KRT26: variants seen among roughly 807,000 people sequenced by gnomAD.
The protein encoded by KRT26 is keratin, type I cytoskeletal 26.
KRT26 carries 45 observed loss-of-function variants against 46.1 expected under a neutral mutation model. That is an observed-to-expected ratio of 0.98 (90% CI 0.77 to 1.25). The LOEUF (loss-of-function observed/expected upper bound fraction) is 1.25. Ranked by LOEUF, KRT26 falls within the 50% of genes most tolerant of loss-of-function variation. The pLI is 0.00. For synonymous variants in KRT26, 191 were observed against 209.9 expected (o/e 0.91, Z 0.78); for missense variants, 582 against 560.1 (o/e 1.04, Z -0.39).
At chr17:40,768,167 G>A (rs1388278723) in intron 6 of KRT26, among the ~76,000 whole-genome samples, 1 of 152,234 alleles carries the variant, frequency 6.6e-6, no homozygotes, top group Middle Eastern at 3.2e-3. Context: ...GGGCTGATGG[G>A]CCTTGGAGGG....
chr17:40,771,842 T>C (rs769465297), exon 1 of KRT26: 179 of 1,613,070 alleles, frequency 1.1e-4, no homozygotes, highest in Non-Finnish European at 1.5e-4. Context: ...CAGGCGGTCG[T>C]TGAGATTCTG....
intron 5 of KRT26, 37 bp downstream of exon 5, chr17:40,769,717 C>T: frequency 6.2e-7 from 1 of 1,605,218 alleles, no homozygotes; most frequent in Non-Finnish European, 8.5e-7. Context: ...TATACATATT[C>T]ACACATATAT....
At chr17:40,770,086 C>T (rs140162962) in exon 4 of KRT26, 36 of 1,614,024 alleles carry the variant, frequency 2.2e-5, no homozygotes, top group African/African-American at 2.1e-4. Context: ...TCCACGTTCA[C>T]GTTCCCCCCA....
intron 6 of KRT26, among the ~76,000 whole-genome samples, chr17:40,768,286 T>C (rs2038186937): frequency 6.6e-6 from 1 of 152,238 alleles, no homozygotes; most frequent in Non-Finnish European, 1.5e-5. Flanking sequence ...TCTTTACCTA[T>C]GTAGTGAGAC....
chr17:40,770,273 G>A, exon 3 of KRT26: 1 of 1,614,106 alleles, frequency 6.2e-7, no homozygotes, highest in Non-Finnish European at 8.5e-7. Context: ...CTTTTTTTGA[G>A]GTAGGTCAAT....
At chr17:40,768,984 G>T (rs909647797) in exon 6 of KRT26, 6 of 1,612,766 alleles carry the variant, frequency 3.7e-6, no homozygotes, top group Non-Finnish European at 5.1e-6. Context: ...TTCTGTTTCT[G>T]TTCGAATCTG....
rs562074645 is a variant in KRT26 at position 40,769,464 on chromosome 17, T to C, written c.969+290A>G. On this transcript the variant is annotated intron_variant, in intron 5 of 7. Coordinates refer to ENST00000335552, the Ensembl canonical transcript of KRT26. ...GAGCCACTGTGCTTGGCCGGCATGG[T>C]CATATTTTAAATATTCTCAAGGTAG... Among the ~76,000 whole-genome samples, 5 of 152,276 alleles carry C rather than the reference T, an allele frequency of 3.3e-5. No homozygotes were observed. In the South Asian group the frequency reaches 1.0e-3, roughly 32 times the overall value.
chr17:40,767,592 C>T, exon 7 of KRT26: 1 of 1,603,266 alleles, frequency 6.2e-7, no homozygotes, highest in Non-Finnish European at 8.5e-7. Flanking sequence ...ATACCTTTGG[C>T]TTGATTTCCA....
chr17:40,766,591 A>G, exon 8 of KRT26: 2 of 1,607,908 alleles, frequency 1.2e-6, no homozygotes, highest in South Asian at 1.1e-5. Flanking sequence ...AACTGAGTGG[A>G]CTCTCAGTGA....
At chr17:40,766,499 A>G in exon 8 of KRT26, 2 of 1,525,610 alleles carry the variant, frequency 1.3e-6, no homozygotes, top group African/African-American at 1.4e-5. Flanking sequence ...TTTCTTTCCA[A>G]ATAACTTTTT....
exon 5 of KRT26, chr17:40,769,800 C>G (rs763847659): frequency 1.9e-6 from 3 of 1,614,138 alleles, no homozygotes; most frequent in Non-Finnish European, 2.5e-6. Context: ...TTGCAGATTG[C>G]GTTTTAATTC....
At chr17:40,766,287 A>C in exon 8 of KRT26, 1 of 353,124 alleles carries the variant, frequency 2.8e-6, no homozygotes, top group Non-Finnish European at 5.0e-6. Context: ...CCCCAAAATA[A>C]AAACAAAAAT....
At position 40,767,583 on chromosome 17, in the gene KRT26, T is replaced by C. The variant is rs775933344; in HGVS notation, c.1255+3A>G. ...ACACCAGGTAAAAAAAATCTATCTA[T>C]ACCTTTGGCTTGATTTCCAGAATTC... On this transcript the variant is annotated splice_donor_region_variant and intron_variant, in intron 7 of 7. Transcript: ENST00000335552. 38 of 1,593,572 alleles carry C rather than the reference T, an allele frequency of 2.4e-5. No individual in the cohort carries two copies. The East Asian group carries it at 7.2e-4, about 30-fold the overall frequency.
chr17:40,768,867 G>A lies in KRT26; in HGVS notation c.1187+12C>T. On this transcript the variant is annotated intron_variant, in intron 6 of 7. Transcript: ENST00000335552. ...GTGAGGTTTTTTTTTTTTTTTGCAAGTTAATCTTTACCTTTCTTCTCCATC... is the reference window on the plus strand; with the variant it reads ...GTGAGGTTTTTTTTTTTTTTTGCAAATTAATCTTTACCTTTCTTCTCCATC... 1 of 1,221,810 alleles carries A rather than the reference G, an allele frequency of 8.2e-7. No homozygotes were observed. Among genetic ancestry groups the A allele is most frequent in the South Asian group, 1.4e-5 (1 of 69,124 alleles). The allele number at this position is 1,221,810 out of a possible 1,614,324, so 75.7% of individuals were successfully genotyped here. A position where few individuals can be genotyped will look rare whatever the true frequency, so the allele number is the denominator to read the frequency against.
At chr17:40,769,672 T>A in intron 5 of KRT26, 82 bp downstream of exon 5, 2 of 1,385,680 alleles carry the variant, frequency 1.4e-6, no homozygotes, top group Non-Finnish European at 2.1e-6. Context: ...TTATACGTAC[T>A]TGGTGTTATA....
exon 2 of KRT26, chr17:40,771,178 A>G: frequency 6.2e-7 from 1 of 1,602,918 alleles, no homozygotes; most frequent in South Asian, 1.1e-5. Flanking sequence ...ATCAGCGGTC[A>G]GTCTGGCATT....
chr17:40,771,584 A>C, intron 1 of KRT26, 89 bp downstream of exon 1: 1 of 1,193,856 alleles, frequency 8.4e-7, no homozygotes, highest in East Asian at 2.4e-5. Flanking sequence ...ACATCACATA[A>C]ATTTGTTAGG....
intron 7 of KRT26, 30 bp from the exon 8 acceptor site, chr17:40,766,696 T>G (rs765764226): frequency 6.5e-7 from 1 of 1,543,522 alleles, no homozygotes; most frequent in Non-Finnish European, 8.9e-7. Context: ...ACATTAGTGG[T>G]CATTTTTTAA....
At chr17:40,766,519 G>T in exon 8 of KRT26, 2 of 1,573,512 alleles carry the variant, frequency 1.3e-6, no homozygotes, top group Non-Finnish European at 1.7e-6. Context: ...TCCTCATTAT[G>T]GTGCTTTAGA....
Sources: allele counts gnomAD v4.1 joint callset (sites outside exome capture counted in the v4.1 genomes callset), GRCh38; gene constraint gnomAD v4.1.1; transcripts MANE v1.5; gene names NCBI Gene and HGNC (gene_info 2026-07-23, HGNC 2026-07-21).